The following SCAND3 variants were observed in gnomAD, a reference collection of about 807,000 sequenced individuals.
The protein encoded by SCAND3 is SCAN domain-containing protein 3.
the SCAND3 span, chr6:28,575,473 G>T: frequency 6.2e-7 from 1 of 1,613,908 alleles, no homozygotes; most frequent in Non-Finnish European, 8.5e-7. The surrounding 1 kb of genome is among the most constrained non-coding windows in gnomAD (Gnocchi z 4.2). Context: ...AGGCCTTTTA[G>T]ACTTTAATGA....
At chr6:28,608,368 T>C in the SCAND3 span, among the ~76,000 whole-genome samples, 1 of 152,290 alleles carries the variant, frequency 6.6e-6, no homozygotes, top group East Asian at 1.9e-4. Flanking sequence ...TCCCCACCTT[T>C]ACTCTTGTCT....
the SCAND3 span, among the ~76,000 whole-genome samples, chr6:28,582,566 C>T: frequency 3.3e-5 from 5 of 152,086 alleles, no homozygotes; most frequent in Non-Finnish European, 5.9e-5. The surrounding 1 kb of genome is among the most constrained non-coding windows in gnomAD (Gnocchi z 4.8). Flanking sequence ...GGGGAAAATA[C>T]GGTTAAAGGG....
At chr6:28,586,321 C>A in the SCAND3 span, 5 of 1,609,476 alleles carry the variant, frequency 3.1e-6, no homozygotes, top group African/African-American at 6.7e-5. The surrounding 1 kb of genome is among the most constrained non-coding windows in gnomAD (Gnocchi z 4.4). Context: ...TCATCAAGCT[C>A]CCTCTCCAAA....
At chr6:28,575,948 T>C in the SCAND3 span, 1 of 1,613,668 alleles carries the variant, frequency 6.2e-7, no homozygotes, top group South Asian at 1.1e-5. The surrounding 1 kb of genome is among the most constrained non-coding windows in gnomAD (Gnocchi z 4.2). Context: ...ACTTCCTTTA[T>C]CAACTGACAG....
At chr6:28,595,460 C>T in the SCAND3 span, among the ~76,000 whole-genome samples, 8 of 151,726 alleles carry the variant, frequency 5.3e-5, no homozygotes, top group Non-Finnish European at 1.0e-4. Context: ...CAGTGGCTCA[C>T]GCCTGTAATC....
At chr6:28,590,937 TC>T in the SCAND3 span, 1 of 152,218 alleles carries the variant, frequency 6.6e-6, no homozygotes, top group African/African-American at 2.4e-5. Context: ...GGCCCCACCT[TC>T]TTTCCACTTT....
At chr6:28,578,334 C>T in the SCAND3 span, among the ~76,000 whole-genome samples, 1 of 152,134 alleles carries the variant, frequency 6.6e-6, no homozygotes, top group African/African-American at 2.4e-5. Flanking sequence ...CAAGTTAGCA[C>T]TATCGCAGTT....
At chr6:28,588,900 C>T in the SCAND3 span, among the ~76,000 whole-genome samples, 5 of 152,174 alleles carry the variant, frequency 3.3e-5, no homozygotes, top group Non-Finnish European at 7.4e-5. The surrounding 1 kb of genome is among the most constrained non-coding windows in gnomAD (Gnocchi z 4.1). Context: ...AGATCCTTTC[C>T]TTGCGCTGTG....
At chr6:28,578,914 T>C in the SCAND3 span, among the ~76,000 whole-genome samples, 1 of 152,180 alleles carries the variant, frequency 6.6e-6, no homozygotes, top group Non-Finnish European at 1.5e-5. Flanking sequence ...GTATTTCCAA[T>C]GTATACACAG....
the SCAND3 span, among the ~76,000 whole-genome samples, chr6:28,612,237 A>G: frequency 6.6e-6 from 1 of 151,696 alleles, no homozygotes; most frequent in South Asian, 2.1e-4. Context: ...GCGGGGTTTC[A>G]TCGTGTTAGC....
At chr6:28,572,722 T>G in the SCAND3 span, 2 of 1,614,018 alleles carry the variant, frequency 1.2e-6, no homozygotes, top group East Asian at 2.2e-5. This position sits in a 1 kb window ranked among gnomAD's most constrained non-coding sequence, Gnocchi z 4.1. Flanking sequence ...TATCTCAGCA[T>G]GCAGTAACAG....
At chr6:28,613,539 C>T in the SCAND3 span, among the ~76,000 whole-genome samples, 1 of 152,208 alleles carries the variant, frequency 6.6e-6, no homozygotes. Flanking sequence ...CCATTCCCTC[C>T]TCACTTCCTT....
At chr6:28,591,394 A>G in the SCAND3 span, 243 of 152,238 alleles carry the variant, frequency 1.6e-3, 1 homozygote, top group African/African-American at 5.6e-3. Context: ...TATTTATAAA[A>G]ACTCCACCCT....
the SCAND3 span, chr6:28,616,106 G>C: frequency 6.6e-6 from 1 of 152,270 alleles, no homozygotes; most frequent in Non-Finnish European, 1.5e-5. This position sits in a 1 kb window ranked among gnomAD's most constrained non-coding sequence, Gnocchi z 4.3. Context: ...AATGTGGCTT[G>C]TTACTCCATT....
At chr6:28,614,173 T>C in the SCAND3 span, among the ~76,000 whole-genome samples, 1 of 151,926 alleles carries the variant, frequency 6.6e-6, no homozygotes, top group African/African-American at 2.4e-5. Context: ...ATGTTGACCA[T>C]GGCTGGTTTC....
chr6:28,575,737 C>G, the SCAND3 span: 1 of 1,614,044 alleles, frequency 6.2e-7, no homozygotes, highest in Non-Finnish European at 8.5e-7. This position sits in a 1 kb window ranked among gnomAD's most constrained non-coding sequence, Gnocchi z 4.2. Context: ...CATGCGAGTA[C>G]GTCCACCATG....
chr6:28,584,395 C>G, the SCAND3 span, among the ~76,000 whole-genome samples: 11 of 151,956 alleles, frequency 7.2e-5, no homozygotes, highest in Admixed American at 3.9e-4. Flanking sequence ...AAAAAATCAC[C>G]CGAAAGATCA....
the SCAND3 span, chr6:28,573,597 A>T: frequency 6.2e-7 from 1 of 1,613,338 alleles, no homozygotes; most frequent in Non-Finnish European, 8.5e-7. Flanking sequence ...TAGCCAGTAC[A>T]TCTCCACAAA....
chr6:28,586,301 C>CTA, the SCAND3 span: 1 of 1,591,258 alleles, frequency 6.3e-7, no homozygotes, highest in East Asian at 2.2e-5. The surrounding 1 kb of genome is among the most constrained non-coding windows in gnomAD (Gnocchi z 4.4). Context: ...TTCTCACCTG[C>CTA]TGTCTAGGTT....
Sources: gnomAD v4.1 joint callset for allele counts (sites outside exome capture counted in the v4.1 genomes callset) on GRCh38, gnomAD v4.1.1 for gene constraint, Gnocchi (gnomAD v3.1) non-coding constraint, MANE v1.5 for transcripts, NCBI Gene and HGNC (gene_info 2026-07-23, HGNC 2026-07-21) for gene names.